METTL15: variants seen among roughly 807,000 people sequenced by gnomAD.
METTL15 encodes methyltransferase 15, mitochondrial 12S rRNA N4-cytidine.
In METTL15, 34 loss-of-function variants were observed where a neutral mutation model predicts 38.3. The observed-to-expected ratio is 0.89, with a 90% CI of 0.68 to 1.18. The LOEUF (loss-of-function observed/expected upper bound fraction) is 1.18. Ranked by LOEUF, METTL15 falls within the 50% of genes most tolerant of loss-of-function variation. METTL15 has a pLI of 0.00. For synonymous variants in METTL15, 162 were observed against 170.9 expected, an observed-to-expected ratio of 0.95 and a Z score of 0.41; for missense variants, 438 against 498.4, an observed-to-expected ratio of 0.88 and a Z score of 1.15.
chr11:28,224,955 A>G (rs1162948558), intron 4 of METTL15, among the ~76,000 whole-genome samples: 1 of 151,680 alleles, frequency 6.6e-6, no homozygotes. Context: ...ATTTAGTGAC[A>G]CTAATCACTT....
At chr11:28,509,177 C>A (rs1851654935) in intron 6 of METTL15, among the ~76,000 whole-genome samples, 1 of 152,128 alleles carries the variant, frequency 6.6e-6, no homozygotes, top group African/African-American at 2.4e-5. Context: ...TTGTTAGTAC[C>A]ATAACTTTGC....
chr11:28,431,802 A>G (rs1342877635), intron 6 of METTL15, among the ~76,000 whole-genome samples: 1 of 23,620 alleles, frequency 4.2e-5, no homozygotes, highest in Non-Finnish European at 1.2e-4. Flanking sequence ...AAAAAAAAAA[A>G]AAAAAGAAAA....
At chr11:28,381,034 A>G (rs1489013513) in intron 5 of METTL15, among the ~76,000 whole-genome samples, 1 of 152,154 alleles carries the variant, frequency 6.6e-6, no homozygotes, top group Non-Finnish European at 1.5e-5. Flanking sequence ...TCTGTCATCT[A>G]GGCGGAAGTC....
chr11:28,181,429 C>G (rs1190160842), intron 3 of METTL15, among the ~76,000 whole-genome samples: 2 of 151,744 alleles, frequency 1.3e-5, no homozygotes, highest in African/African-American at 4.8e-5. Flanking sequence ...CCTGACAGAA[C>G]CCTGTGTGTG....
At position 28,448,558 on chromosome 11, in the gene METTL15, G is replaced by C. The variant is rs1236768472; in HGVS notation, c.*424+24194G>C. 3.3e-5 allele frequency among the ~76,000 whole-genome samples: 5 copies of C among 152,086 alleles called. No homozygotes were observed. In the East Asian group the frequency reaches 9.6e-4, roughly 29 times the overall value. On this transcript the variant is annotated intron_variant and NMD_transcript_variant, in intron 6 of 7. Coordinates refer to the METTL15 transcript ENST00000532947. ...AGTTCTCCCAGCTGCTTGCTCTGGG[G>C]TTAACATTGGTAGTTTCCACCAATC... is the stretch of plus-strand genomic sequence containing the variant.
chr11:28,212,358 A>G (rs1852676644), intron 4 of METTL15, among the ~76,000 whole-genome samples: 1 of 152,166 alleles, frequency 6.6e-6, no homozygotes, highest in South Asian at 2.1e-4. Context: ...TTTTAAATCT[A>G]TCTGTCTTCT....
At chr11:28,375,789 C>G (rs1246854705) in intron 5 of METTL15, among the ~76,000 whole-genome samples, 3 of 151,838 alleles carry the variant, frequency 2.0e-5, no homozygotes, top group African/African-American at 7.3e-5. Flanking sequence ...TTCCTGCTTT[C>G]TCTTGTGGGT....
intron 4 of METTL15, among the ~76,000 whole-genome samples, chr11:28,253,472 TTTAAG>T (rs1467835347): frequency 5.3e-5 from 8 of 152,200 alleles, no homozygotes; most frequent in South Asian, 2.1e-4. Context: ...AATTGTACTC[TTTAAG>T]TTATTTTAAA....
At chr11:28,163,525 A>G (rs1333929780) in intron 3 of METTL15, 1 of 396,708 alleles carries the variant, frequency 2.5e-6, no homozygotes, top group African/African-American at 2.1e-5. Flanking sequence ...GCTTCTTCTT[A>G]CTGATCTCTC....
chr11:28,157,251 T>A (rs1034790360), intron 3 of METTL15, among the ~76,000 whole-genome samples: 4 of 152,222 alleles, frequency 2.6e-5, no homozygotes, highest in Non-Finnish European at 4.4e-5. Flanking sequence ...TTGGGTGTGT[T>A]ACTCCAGCCA....
chr11:28,181,952 A>C lies in METTL15; in HGVS notation c.271-29110A>C, dbSNP rs570196983. 1.3e-4 allele frequency among the ~76,000 whole-genome samples: 20 copies of C among 152,204 alleles called. No homozygotes were observed. In the East Asian group the frequency reaches 3.9e-3, roughly 29 times the overall value. On this transcript the variant is annotated intron_variant, in intron 3 of 6. Coordinates refer to ENST00000407364, the MANE Select transcript of METTL15 (RefSeq NM_001113528.2). ...CTGACTTTTTACTGATTGCCATTCT[A>C]ACTGGTGTGAGATGATATCTTGTTG... is the stretch of plus-strand genomic sequence containing the variant.
intron 6 of METTL15, among the ~76,000 whole-genome samples, chr11:28,435,908 CT>C (rs1850978308): frequency 6.6e-6 from 1 of 152,188 alleles, no homozygotes; most frequent in African/African-American, 2.4e-5. Context: ...ATATTGCTCC[CT>C]TGAGGGGCTA....
intron 3 of METTL15, among the ~76,000 whole-genome samples, chr11:28,140,977 C>T (rs948664295): frequency 6.6e-6 from 1 of 152,190 alleles, no homozygotes; most frequent in Admixed American, 6.5e-5. Context: ...TGGCTAACTC[C>T]TTTCATTATT....
intron 4 of METTL15, among the ~76,000 whole-genome samples, chr11:28,354,072 A>G (rs1324745253): frequency 1.3e-5 from 2 of 152,234 alleles, no homozygotes; most frequent in Non-Finnish European, 2.9e-5. Flanking sequence ...AAGGCAGCAA[A>G]GAAATGAGAC....
At chr11:28,512,731 A>G (rs1189981251) in intron 6 of METTL15, among the ~76,000 whole-genome samples, 1 of 152,180 alleles carries the variant, frequency 6.6e-6, no homozygotes, top group Non-Finnish European at 1.5e-5. Flanking sequence ...ACCCCCCTGC[A>G]AGCTGAGGGA....
At chr11:28,156,179 A>G (rs1474430158) in intron 3 of METTL15, among the ~76,000 whole-genome samples, 1 of 152,134 alleles carries the variant, frequency 6.6e-6, no homozygotes, top group African/African-American at 2.4e-5. Flanking sequence ...TCACCTCATA[A>G]AAAAATATCA....
At chr11:28,335,689 G>A (rs1849894771), downstream of METTL15, among the ~76,000 whole-genome samples, 1 of 152,186 alleles carries the variant, frequency 6.6e-6, no homozygotes, top group South Asian at 2.1e-4. Flanking sequence ...TTCCCAGAGA[G>A]CTGGTTGTTA....
intron 6 of METTL15, among the ~76,000 whole-genome samples, chr11:28,525,862 G>C (rs370951631): frequency 1.3e-5 from 2 of 152,234 alleles, no homozygotes; most frequent in African/African-American, 4.8e-5. Flanking sequence ...GCGCTTGTTG[G>C]GGAGGCTCAG....
At chr11:28,218,963 G>A (rs912834000) in intron 4 of METTL15, among the ~76,000 whole-genome samples, 1 of 152,152 alleles carries the variant, frequency 6.6e-6, no homozygotes, top group Non-Finnish European at 1.5e-5. Context: ...CGGTTTGCCA[G>A]TATGTTATTG....
Sources: allele counts gnomAD v4.1 joint callset (sites outside exome capture counted in the v4.1 genomes callset), GRCh38; gene constraint gnomAD v4.1.1; transcripts MANE v1.5; gene names NCBI Gene and HGNC (gene_info 2026-07-23, HGNC 2026-07-21).